Variants in CHD1L observed in about 807,000 individuals in gnomAD.
CHD1L encodes ATP-dependent chromatin remodeler CHD1L.
Under a neutral mutation model 115.9 loss-of-function variants are expected in CHD1L, and 118 were observed. That is an observed-to-expected ratio of 1.02 (90% CI 0.88 to 1.19). The LOEUF is 1.19. Among genes scored for constraint, CHD1L ranks in the 50% most tolerant of loss-of-function variants. The probability of loss-of-function intolerance (pLI) is 0.00; values close to 1 mark genes in which losing one functional copy is unlikely to be tolerated. For missense variants in CHD1L, 1,179 were observed against 1,065.3 expected, an observed-to-expected ratio of 1.11 and a Z score of -1.49; for synonymous variants, 411 against 387.1, an observed-to-expected ratio of 1.06 and a Z score of -0.72.
rs1675866181 is a variant in CHD1L at position 147,270,794 on chromosome 1, T to C, written c.1086-138T>C. 7 of 675,110 alleles carry C rather than the reference T, an allele frequency of 1.0e-5. No individual in the cohort carries two copies. The East Asian group carries it at 2.0e-4, about 19-fold the overall frequency. 41.8% of individuals were successfully genotyped at this position (675,110 alleles called of 1,614,324 possible). ...AAAGCATTTGGAGGTTCTGAGGCAG[T>C]CTATAAATCATACGACACTTATATT... On this transcript the variant is annotated intron_variant, in intron 10 of 22. Transcript: ENST00000369258.
At chr1:147,233,188 G>A in the CHD1L span, among the ~76,000 whole-genome samples, 9 of 150,318 alleles carry the variant, frequency 6.0e-5, no homozygotes, top group Middle Eastern at 3.5e-3. Flanking sequence ...CTGCCCAGCC[G>A]CCCCGTCTGA....
chr1:147,264,259 A>G (rs907841894), intron 6 of CHD1L, among the ~76,000 whole-genome samples, 163 bp from the exon 7 acceptor site: 1 of 152,216 alleles, frequency 6.6e-6, no homozygotes, highest in Non-Finnish European at 1.5e-5. Context: ...CATCTGCATC[A>G]AACAGCTAGT....
intron 6 of CHD1L, among the ~76,000 whole-genome samples, chr1:147,261,412 T>TTAA (rs1553119577): frequency 6.8e-6 from 1 of 147,378 alleles, no homozygotes; most frequent in African/African-American, 2.6e-5. Context: ...TTTTTTTTTT[T>TTAA]TATATATAAA....
intron 19 of CHD1L, 141 bp from the exon 20 acceptor site, chr1:147,291,341 G>C (rs1317414755): frequency 1.5e-6 from 1 of 678,542 alleles, no homozygotes. Context: ...GAGGTTGACT[G>C]AGGCCAGGAA....
chr1:147,224,756 C>T, the CHD1L span: 5 of 727,162 alleles, frequency 6.9e-6, no homozygotes, highest in African/African-American at 5.3e-5. Flanking sequence ...GTGATCCGCC[C>T]GCCTCGGCCT....
At chr1:147,246,797 CAG>C (rs1275222742) in intron 1 of CHD1L, among the ~76,000 whole-genome samples, 2 of 152,038 alleles carry the variant, frequency 1.3e-5, no homozygotes, top group African/African-American at 2.4e-5. Context: ...AATATTTTCT[CAG>C]ATATATGTCT....
At chr1:147,180,246 G>A in the CHD1L span, among the ~76,000 whole-genome samples, 8 of 152,126 alleles carry the variant, frequency 5.3e-5, no homozygotes, top group South Asian at 1.7e-3. Flanking sequence ...TTGCACCCAG[G>A]GAAATAGAGA....
Position 147,252,624 on chromosome 1 carries a change from G to A in CHD1L, c.129G>A (p.Gly43=), listed in dbSNP as rs1315046370. 6.2e-7 allele frequency: 1 copy of A among 1,612,788 alleles called. No individual in the cohort carries two copies. Among genetic ancestry groups the A allele is most frequent in the Admixed American group, 1.7e-5 (1 of 59,902 alleles). The change falls in exon 2 of 23, where the codon GGG becomes GGA. Residue 43 remains glycine (G), a splice_region_variant and synonymous_variant. Coordinates refer to ENST00000369258, the MANE Select transcript of CHD1L (RefSeq NM_004284.6). Reference sequence around the variant, plus strand: ...ATTTGCTGTATTTTTTGTTTCTAGGGATTCACCTACGCTCTTACCAGCTGG... The same window carrying A: ...ATTTGCTGTATTTTTTGTTTCTAGGAATTCACCTACGCTCTTACCAGCTGG... ...EQDLRQWGLT[G]IHLRSYQLEG... is the part of the protein sequence containing the mutation.
chr1:147,243,660 T>C (rs1432919089), intron 1 of CHD1L, among the ~76,000 whole-genome samples: 1 of 152,170 alleles, frequency 6.6e-6, no homozygotes, highest in Non-Finnish European at 1.5e-5. Flanking sequence ...GAACGTAGTG[T>C]GTGCTTTGAC....
chr1:147,228,940 T>G, the CHD1L span, among the ~76,000 whole-genome samples: 1 of 152,176 alleles, frequency 6.6e-6, no homozygotes, highest in African/African-American at 2.4e-5. Context: ...TTGCAAAAAT[T>G]TTCTCCCATT....
At chr1:147,192,221 C>G in the CHD1L span, among the ~76,000 whole-genome samples, 3 of 151,926 alleles carry the variant, frequency 2.0e-5, no homozygotes, top group Non-Finnish European at 4.4e-5. Context: ...TGAAGAGGTC[C>G]TTCACATCCC....
intron 1 of CHD1L, among the ~76,000 whole-genome samples, chr1:147,245,885 C>T (rs1038643763): frequency 2.6e-5 from 4 of 152,040 alleles, no homozygotes; most frequent in Non-Finnish European, 5.9e-5. Context: ...CCAGTTTCCC[C>T]TCGTGGTCAT....
Position 147,271,293 on chromosome 1 carries a change from G to T in CHD1L, c.1159+288G>T, listed in dbSNP as rs587767053. Among the ~76,000 whole-genome samples, 17 of 152,314 alleles carry T rather than the reference G, an allele frequency of 1.1e-4. No homozygotes were observed. The East Asian group carries it at 3.3e-3, about 29-fold the overall frequency. ...GTTGTGGAAATGTTTTTGAAAATGT[G>T]TGATAAAGTTTCAGTGACTAGAGCT... On this transcript the variant is annotated intron_variant, in intron 11 of 22. Transcript: ENST00000369258.
rs113592892 is a variant in CHD1L, at chr1:147,252,774, C to T, written c.240+39C>T. 3,947 of 1,448,052 alleles carry T rather than the reference C, an allele frequency of 2.7e-3. 75 individuals are homozygous for T. The African/African-American group carries it at 0.046, about 17-fold the overall frequency. 89.7% of individuals were successfully genotyped at this position (1,448,052 alleles called of 1,614,324 possible). A position where few individuals can be genotyped will look rare whatever the true frequency, so the allele number is the denominator to read the frequency against. On this transcript the variant is annotated intron_variant, in intron 2 of 22. Coordinates refer to ENST00000369258, the MANE Select transcript of CHD1L (RefSeq NM_004284.6). ...CGACGAGTACTGCTCACCGCCACTG[C>T]GATACTTCCTTATAACTCATTCTGG...
At chr1:147,229,327 G>A in the CHD1L span, among the ~76,000 whole-genome samples, 22 of 151,990 alleles carry the variant, frequency 1.4e-4, no homozygotes, top group African/African-American at 3.9e-4. Context: ...GTAGATATGC[G>A]GCATTATTTC....
At chr1:147,224,616 C>T in the CHD1L span, among the ~76,000 whole-genome samples, 6 of 152,016 alleles carry the variant, frequency 3.9e-5, no homozygotes, top group Non-Finnish European at 8.8e-5. Context: ...TTCACCCCAT[C>T]CTCCTGCCTT....
At chr1:147,260,061 C>T in intron 6 of CHD1L, 143 bp downstream of exon 6, 1 of 574,978 alleles carries the variant, frequency 1.7e-6, no homozygotes, top group South Asian at 2.4e-5. Flanking sequence ...ACATGTACAG[C>T]TGTCCCCTGT....
Position 147,275,354 on chromosome 1 carries a change from G to T in CHD1L, c.1271G>T (p.Gly424Val). The T allele has an allele frequency of 6.2e-7, 1 of 1,610,926 alleles. No homozygotes were observed. Among genetic ancestry groups the T allele is most frequent in the Non-Finnish European group, 8.5e-7 (1 of 1,177,124 alleles). The part of the protein sequence containing the change: ...IFVFLLSTRA[G>V]GVGMNLTAAD... ...ACATTCCTTTTTGCATTGTTTTCAG[G>T]TGGAGTTGGCATGAACTTAACAGCA... The change falls in exon 13 of 23, where the codon GGT (glycine) becomes GTT (valine). Residue 424 changes from glycine to valine, a missense_variant and splice_region_variant. Transcript: ENST00000369258.
At chr1:147,281,079 G>C (rs1159887598) in intron 15 of CHD1L, among the ~76,000 whole-genome samples, 1 of 152,108 alleles carries the variant, frequency 6.6e-6, no homozygotes, top group Non-Finnish European at 1.5e-5. Flanking sequence ...CTTTCTCTCT[G>C]TGCCACAAAC....
Sources: allele counts gnomAD v4.1 joint callset (sites outside exome capture counted in the v4.1 genomes callset), GRCh38; gene constraint gnomAD v4.1.1; transcripts MANE v1.5; gene names NCBI Gene and HGNC (gene_info 2026-07-23, HGNC 2026-07-21).